The following KANSL1 variants were observed in gnomAD, a reference collection of about 807,000 sequenced individuals.
KANSL1 encodes KAT8 regulatory NSL complex subunit 1, also known as MLL1/MLL complex subunit KANSL1.
Under a neutral mutation model 103.6 loss-of-function variants are expected in KANSL1, and 22 were observed. The observed-to-expected ratio is 0.21, with a 90% CI of 0.15 to 0.30. The LOEUF is 0.30. Ranked by LOEUF, KANSL1 falls within the 10% of genes least tolerant of loss-of-function variation. KANSL1 has a pLI of 1.00. For synonymous variants in KANSL1, 600 were observed against 527.6 expected (o/e 1.14, Z -1.88); for missense variants, 1,337 against 1,399.8 (o/e 0.96, Z 0.72).
intron 6 of KANSL1, among the ~76,000 whole-genome samples, chr17:46,054,753 C>T (rs1337633726): frequency 1.3e-5 from 2 of 152,176 alleles, no homozygotes; most frequent in Admixed American, 6.5e-5. Context: ...TAGCAGGCAA[C>T]CTTCCAGATC....
intron 1 of KANSL1, among the ~76,000 whole-genome samples, chr17:46,186,811 C>T (rs2047056892): frequency 6.6e-6 from 1 of 152,170 alleles, no homozygotes; most frequent in African/African-American, 2.4e-5. Flanking sequence ...TCACTACAAC[C>T]TCCGCCTCCA....
intron 2 of KANSL1, among the ~76,000 whole-genome samples, chr17:46,148,638 G>A (rs888243468): frequency 2.7e-5 from 4 of 150,634 alleles, no homozygotes; most frequent in African/African-American, 9.8e-5. Flanking sequence ...CCAGGCTGAA[G>A]TATAGTGGCA....
intron 4 of KANSL1, among the ~76,000 whole-genome samples, chr17:46,074,503 A>G (rs1208277198): frequency 6.6e-6 from 1 of 152,166 alleles, no homozygotes; most frequent in Non-Finnish European, 1.5e-5. Flanking sequence ...CAATAAAATT[A>G]TGAGTAAAAA....
intron 1 of KANSL1, among the ~76,000 whole-genome samples, chr17:46,204,196 C>A (rs1236066581): frequency 6.6e-6 from 1 of 152,202 alleles, no homozygotes; most frequent in Non-Finnish European, 1.5e-5. Flanking sequence ...GTGGCTCACA[C>A]CTGTAATCCC....
Position 46,217,618 on chromosome 17 carries a change from G to A in KANSL1, c.-90+6053C>T, listed in dbSNP as rs181684955. 1.5e-4 allele frequency among the ~76,000 whole-genome samples: 23 copies of A among 152,230 alleles called. No homozygotes were observed. The East Asian group carries it at 4.1e-3, about 27-fold the overall frequency. ...AATACACACAGGGAGGCTGGGCGCCGTGGCTCACGCCTGTAATCCCAGCAC... is the reference window on the plus strand; with the variant it reads ...AATACACACAGGGAGGCTGGGCGCCATGGCTCACGCCTGTAATCCCAGCAC... On this transcript the variant is annotated intron_variant, in intron 1 of 14. Coordinates refer to the KANSL1 transcript ENST00000572904.
intron 10 of KANSL1, among the ~76,000 whole-genome samples, chr17:46,036,637 T>C (rs189817029): frequency 1.3e-5 from 2 of 152,230 alleles, no homozygotes; most frequent in African/African-American, 2.4e-5. Context: ...ACAATAGCTT[T>C]TGCTATCTAT....
chr17:46,087,257 T>G (rs2079198280), intron 3 of KANSL1, among the ~76,000 whole-genome samples: 1 of 152,190 alleles, frequency 6.6e-6, no homozygotes, highest in Non-Finnish European at 1.5e-5. Context: ...AAATATGTGC[T>G]CAAGTGTTAC....
chr17:46,062,410 G>A (rs567707910), intron 6 of KANSL1, among the ~76,000 whole-genome samples: 22 of 143,586 alleles, frequency 1.5e-4, no homozygotes, highest in African/African-American at 5.2e-4. Flanking sequence ...CCAGGCTGGA[G>A]TGCTGTGGCG....
At chr17:46,126,041 C>G (rs549104879) in intron 2 of KANSL1, among the ~76,000 whole-genome samples, 1 of 152,188 alleles carries the variant, frequency 6.6e-6, no homozygotes, top group Non-Finnish European at 1.5e-5. Context: ...AGTAGGAATT[C>G]AAACTCAGGT....
chr17:46,185,678 TACACACACATATATAC>T (rs1364910463), intron 1 of KANSL1, among the ~76,000 whole-genome samples: 2 of 137,844 alleles, frequency 1.5e-5, no homozygotes, highest in African/African-American at 5.8e-5. Context: ...CACATATATA[TACACACACATATATAC>T]ACACACACAC....
chr17:46,199,364 G>C (rs1009024120), intron 1 of KANSL1, among the ~76,000 whole-genome samples: 2 of 152,182 alleles, frequency 1.3e-5, no homozygotes. Flanking sequence ...TAAAGATTTA[G>C]CCAAATGCAA....
intron 1 of KANSL1, among the ~76,000 whole-genome samples, chr17:46,199,600 A>G: frequency 6.6e-6 from 1 of 152,266 alleles, no homozygotes; most frequent in Non-Finnish European, 1.5e-5. Context: ...CCAACCTAAC[A>G]AGATATTTTC....
chr17:46,034,253 G>C lies in KANSL1; in HGVS notation c.2574C>G (p.Ser858Arg). The C allele has an allele frequency of 6.2e-7, 1 of 1,613,960 alleles. No homozygotes were observed. The highest frequency in any genetic ancestry group is 1.6e-4 in the Middle Eastern group (1 of 6,062). The stretch of plus-strand genomic sequence containing the variant: ...TGACAATGTTGTTAATATCAAATGA[G>C]CTCTCTCCCCTTCTCCTCCTTACTG... ...QQPVRRRRGE[S>R]SFDINNIVIP... Residue 858 changes from serine to arginine, a missense_variant, in exon 11 of 15, where the codon AGC becomes AGG. By Grantham distance (110) the Ser-to-Arg change is moderately radical. Transcript: ENST00000432791.
At chr17:46,213,678 G>A (rs2048245629) in intron 1 of KANSL1, among the ~76,000 whole-genome samples, 1 of 151,562 alleles carries the variant, frequency 6.6e-6, no homozygotes, top group Non-Finnish European at 1.5e-5. Context: ...GTACTTTGTG[G>A]AGGCCGAGGT....
intron 1 of KANSL1, among the ~76,000 whole-genome samples, chr17:46,205,674 C>G (rs149627418): frequency 1.8e-3 from 180 of 100,846 alleles, no homozygotes; most frequent in African/African-American, 5.3e-3. Context: ...GAATGAGACA[C>G]TGTCTCAAAA....
At chr17:46,181,684 G>A (rs1037774384) in intron 1 of KANSL1, among the ~76,000 whole-genome samples, 11 of 152,074 alleles carry the variant, frequency 7.2e-5, no homozygotes, top group East Asian at 1.9e-4. Context: ...GACCCGCCTC[G>A]GCCTCCCAAA....
At chr17:46,158,023 A>G (rs2045523533) in intron 2 of KANSL1, among the ~76,000 whole-genome samples, 2 of 152,386 alleles carry the variant, frequency 1.3e-5, no homozygotes, top group South Asian at 4.1e-4. Flanking sequence ...AAATTTTAGA[A>G]AAACCCCAGA....
intron 2 of KANSL1, among the ~76,000 whole-genome samples, chr17:46,168,660 A>AT (rs2046130117): frequency 1.3e-5 from 2 of 152,232 alleles, no homozygotes; most frequent in South Asian, 4.1e-4. Flanking sequence ...CCTAAATACA[A>AT]TTACAATGTG....
chr17:46,137,860 CTG>C (rs1342624311), intron 2 of KANSL1, among the ~76,000 whole-genome samples: 11 of 144,974 alleles, frequency 7.6e-5, no homozygotes. Context: ...CAGCGAGACT[CTG>C]TCTCAAAAAA....
Sources: gnomAD v4.1 joint callset for allele counts (sites outside exome capture counted in the v4.1 genomes callset) on GRCh38, gnomAD v4.1.1 for gene constraint, MANE v1.5 for transcripts, NCBI Gene and HGNC (gene_info 2026-07-23, HGNC 2026-07-21) for gene names.